GALNT13: variants seen among roughly 807,000 people sequenced by gnomAD.
The protein encoded by GALNT13 is UDP-GalNAc:polypeptide N-acetylgalactosaminyltransferase 13.
A neutral mutation model predicts 64.2 loss-of-function variants in GALNT13; 28 were observed. That is an observed-to-expected ratio of 0.44 (90% CI 0.32 to 0.60). The LOEUF (loss-of-function observed/expected upper bound fraction) is 0.60, where lower values mean the gene tolerates loss of function less well. GALNT13 is among the 20% of genes least tolerant of loss of function. GALNT13 has a pLI of 0.05. For synonymous variants in GALNT13, 214 were observed against 224.6 expected (o/e 0.95, Z 0.42); for missense variants, 577 against 669.8 (o/e 0.86, Z 1.53).
chr2:153,074,223 G>A, the GALNT13 span, among the ~76,000 whole-genome samples: 22 of 152,126 alleles, frequency 1.4e-4, no homozygotes, highest in African/African-American at 5.3e-4. Flanking sequence ...AAGAGAAATA[G>A]CACTGCATTA....
chr2:153,943,067 A>T (rs1240209552), intron 2 of GALNT13, among the ~76,000 whole-genome samples: 1 of 152,208 alleles, frequency 6.6e-6, no homozygotes, highest in East Asian at 1.9e-4. Context: ...AACAAATGAT[A>T]TCAGAATATG....
rs1322109929 is a variant in GALNT13, at chr2:154,451,847, A to G, written c.*1296A>G. ...CTATATATGCATGTTATCCATTATA[A>G]ATGCACTCAGCAGCTAAGAGAAATT... On this transcript the variant is annotated 3_prime_UTR_variant, in exon 13 of 13. Coordinates refer to ENST00000392825, the MANE Select transcript of GALNT13 (RefSeq NM_052917.4). 1 of 152,134 alleles carries G rather than the reference A, an allele frequency of 6.6e-6. No individual in the cohort carries two copies. The highest frequency in any genetic ancestry group is 6.6e-5 in the Admixed American group (1 of 15,242). The allele number at this position is 152,134 out of a possible 1,614,324, so 9.4% of individuals were successfully genotyped here. A position where few individuals can be genotyped will look rare whatever the true frequency, so the allele number is the denominator to read the frequency against.
At chr2:153,111,993 G>C in the GALNT13 span, among the ~76,000 whole-genome samples, 1 of 152,022 alleles carries the variant, frequency 6.6e-6, no homozygotes, top group South Asian at 2.1e-4. Flanking sequence ...TAGGCAATGG[G>C]GATATGAATT....
the GALNT13 span, among the ~76,000 whole-genome samples, chr2:153,395,082 G>A: frequency 3.3e-5 from 5 of 152,152 alleles, no homozygotes; most frequent in Non-Finnish European, 5.9e-5. Context: ...GGTCCTTGCC[G>A]TGGGGCCTCC....
chr2:153,945,184 T>G (rs1290949793), intron 3 of GALNT13, among the ~76,000 whole-genome samples: 1 of 152,204 alleles, frequency 6.6e-6, no homozygotes, highest in Non-Finnish European at 1.5e-5. Context: ...TCAAGTATAC[T>G]GTAAAATTAC....
intron 9 of GALNT13, among the ~76,000 whole-genome samples, chr2:154,339,928 T>C (rs907023997): frequency 2.6e-5 from 4 of 152,110 alleles, no homozygotes; most frequent in African/African-American, 7.2e-5. Flanking sequence ...TCAGTTGCAA[T>C]GCATGTTTTG....
chr2:153,697,730 G>T, the GALNT13 span, among the ~76,000 whole-genome samples: 1 of 152,284 alleles, frequency 6.6e-6, no homozygotes, highest in African/African-American at 2.4e-5. Context: ...GCAATTTAAA[G>T]GTCCTAGTAA....
chr2:153,359,027 A>T, the GALNT13 span, among the ~76,000 whole-genome samples: 2 of 152,192 alleles, frequency 1.3e-5, no homozygotes, highest in South Asian at 2.1e-4. Flanking sequence ...TTCACTGAAG[A>T]TTGTTTTTAT....
the GALNT13 span, among the ~76,000 whole-genome samples, chr2:153,764,310 G>A: frequency 6.6e-6 from 1 of 152,076 alleles, no homozygotes; most frequent in African/African-American, 2.4e-5. Context: ...GCCAAGGAGG[G>A]CAGATCTCCT....
the GALNT13 span, among the ~76,000 whole-genome samples, chr2:153,403,534 C>T: frequency 6.6e-6 from 1 of 152,214 alleles, no homozygotes; most frequent in Non-Finnish European, 1.5e-5. Context: ...AGCCTCCCTG[C>T]CACCTTGCAG....
intron 3 of GALNT13, among the ~76,000 whole-genome samples, chr2:154,049,026 CTCAG>C (rs1421602306): frequency 6.6e-6 from 1 of 151,962 alleles, no homozygotes; most frequent in Non-Finnish European, 1.5e-5. Context: ...GGTTCAAGAA[CTCAG>C]TAAGAATTTT....
At chr2:154,044,099 A>T (rs1699159285) in intron 3 of GALNT13, among the ~76,000 whole-genome samples, 2 of 150,070 alleles carry the variant, frequency 1.3e-5, no homozygotes, top group Non-Finnish European at 3.0e-5. Flanking sequence ...AAAATAAAAA[A>T]ATATAAGATT....
the GALNT13 span, among the ~76,000 whole-genome samples, chr2:153,454,120 G>A: frequency 8.3e-3 from 1,259 of 152,254 alleles, 13 homozygotes; most frequent in African/African-American, 0.028. Flanking sequence ...GAGGGGTCTA[G>A]TAGGGAAGGA....
At chr2:154,001,362 A>G (rs1245308334) in intron 3 of GALNT13, among the ~76,000 whole-genome samples, 1 of 151,734 alleles carries the variant, frequency 6.6e-6, no homozygotes, top group Admixed American at 6.6e-5. Context: ...TTTGATCCTT[A>G]CTATCTTTGT....
chr2:153,469,733 C>T, the GALNT13 span, among the ~76,000 whole-genome samples: 1 of 152,068 alleles, frequency 6.6e-6, no homozygotes, highest in Admixed American at 6.6e-5. Context: ...TTTGTTAAAT[C>T]AGTTTGGGTA....
At chr2:153,193,576 C>T in the GALNT13 span, among the ~76,000 whole-genome samples, 1 of 151,662 alleles carries the variant, frequency 6.6e-6, no homozygotes, top group Non-Finnish European at 1.5e-5. Flanking sequence ...TGCACATGTA[C>T]CCTAAAACTT....
intron 8 of GALNT13, among the ~76,000 whole-genome samples, chr2:154,300,246 G>A (rs1349010101): frequency 2.0e-5 from 3 of 151,964 alleles, no homozygotes; most frequent in East Asian, 3.9e-4. Context: ...GGGACTACAG[G>A]CGTGTGTCAC....
the GALNT13 span, among the ~76,000 whole-genome samples, chr2:153,361,610 A>C: frequency 6.6e-6 from 1 of 152,170 alleles, no homozygotes; most frequent in Middle Eastern, 3.4e-3. Context: ...ATCAAGCAGA[A>C]GAAAAAATAT....
chr2:154,050,674 G>T (rs1699554543), intron 3 of GALNT13, among the ~76,000 whole-genome samples: 1 of 152,048 alleles, frequency 6.6e-6, no homozygotes, highest in South Asian at 2.1e-4. Flanking sequence ...AGATGTTGTG[G>T]AGTACTCAAA....
Sources: allele counts gnomAD v4.1 joint callset (sites outside exome capture counted in the v4.1 genomes callset), GRCh38; gene constraint gnomAD v4.1.1; transcripts MANE v1.5; gene names NCBI Gene and HGNC (gene_info 2026-07-23, HGNC 2026-07-21).